PHACTR1: variants seen among roughly 807,000 people sequenced by gnomAD.
PHACTR1 encodes the protein phosphatase and actin regulator 1.
A neutral mutation model predicts 69.2 loss-of-function variants in PHACTR1; 16 were observed. The observed-to-expected ratio is 0.23, with a 90% confidence interval of 0.16 to 0.35. The LOEUF (loss-of-function observed/expected upper bound fraction) is 0.35, where lower values mean the gene tolerates loss of function less well. Among genes scored for constraint, PHACTR1 ranks in the 10% least tolerant of loss-of-function variants. The pLI, the probability that PHACTR1 is intolerant of heterozygous loss-of-function variation, is 1.00. For missense variants in PHACTR1, 510 were observed against 734.7 expected (o/e 0.69, Z 3.54); for synonymous variants, 312 against 284.5 (o/e 1.10, Z -0.97).
At chr6:12,993,145 G>A (rs1010836894) in intron 4 of PHACTR1, among the ~76,000 whole-genome samples, 5 of 152,130 alleles carry the variant, frequency 3.3e-5, no homozygotes, top group African/African-American at 7.2e-5. Flanking sequence ...TTTTCAGGCC[G>A]TTTTTTGTTA....
intron 5 of PHACTR1, among the ~76,000 whole-genome samples, chr6:13,054,392 C>G (rs1419753987): frequency 6.6e-6 from 1 of 152,142 alleles, no homozygotes; most frequent in African/African-American, 2.4e-5. Context: ...TATACAGATT[C>G]CCTTTGGTTT....
chr6:12,961,045 C>T (rs1018281225), intron 4 of PHACTR1, among the ~76,000 whole-genome samples: 1 of 152,134 alleles, frequency 6.6e-6, no homozygotes, highest in African/African-American at 2.4e-5. Flanking sequence ...CAGCTTCCTA[C>T]AAAGTTCAGG....
chr6:13,166,795 T>A (rs938644482), intron 6 of PHACTR1, among the ~76,000 whole-genome samples: 2 of 152,160 alleles, frequency 1.3e-5, no homozygotes, highest in African/African-American at 4.8e-5. Context: ...CCATACCAAA[T>A]TTCGCACATC....
At chr6:12,793,264 A>G (rs1380843252) in intron 4 of PHACTR1, among the ~76,000 whole-genome samples, 1 of 152,126 alleles carries the variant, frequency 6.6e-6, no homozygotes, top group Non-Finnish European at 1.5e-5. Context: ...GCGATTCTTG[A>G]GTTTTATTGG....
intron 3 of PHACTR1, among the ~76,000 whole-genome samples, chr6:12,725,760 G>T (rs1269629774): frequency 2.6e-5 from 4 of 152,090 alleles, no homozygotes; most frequent in Admixed American, 6.5e-5. Flanking sequence ...TCCTTAAATA[G>T]CATCTTCTTG....
chr6:12,904,534 CAAA>C (rs544410317), intron 4 of PHACTR1, among the ~76,000 whole-genome samples: 2 of 80,002 alleles, frequency 2.5e-5, no homozygotes, highest in Non-Finnish European at 5.2e-5. Flanking sequence ...AACTCCATCT[CAAA>C]AAAAAAAAAA....
At chr6:12,792,464 C>CAAAAAAAAAAAAAAAAAAAAA (rs60942588) in intron 4 of PHACTR1, among the ~76,000 whole-genome samples, 2 of 31,362 alleles carry the variant, frequency 6.4e-5, no homozygotes, top group African/African-American at 7.6e-5. Flanking sequence ...AACTCCATGT[C>CAAAAAAAAAAAAAAAAAAAAA]AAAAAAAAAA....
At chr6:13,084,413 C>T (rs4273675) in intron 5 of PHACTR1, among the ~76,000 whole-genome samples, 1 of 148,682 alleles carries the variant, frequency 6.7e-6, no homozygotes, top group South Asian at 2.2e-4. Flanking sequence ...TAGGAGATAT[C>T]CCTAATGCTA....
intron 8 of PHACTR1, among the ~76,000 whole-genome samples, chr6:13,224,812 C>T (rs1769318905): frequency 6.6e-6 from 1 of 152,152 alleles, no homozygotes; most frequent in South Asian, 2.1e-4. Flanking sequence ...GGGTGAGGCT[C>T]TTAGATCCGA....
chr6:12,814,093 TG>T (rs1320792988), intron 4 of PHACTR1, among the ~76,000 whole-genome samples: 2 of 152,212 alleles, frequency 1.3e-5, no homozygotes, highest in African/African-American at 2.4e-5. Flanking sequence ...TTTTAGCTCC[TG>T]GGTGTCAGGT....
rs193250119 is a variant in PHACTR1, at chr6:12,887,348, C to T, written c.250+137558C>T. ...GCTTAACCTTATAACAGGCTTAATA[C>T]GTTGCAGCTTTCTGCTGAGTCCTTA... On this transcript the variant is annotated intron_variant, in intron 4 of 14. Coordinates refer to ENST00000332995, the MANE Select transcript of PHACTR1 (RefSeq NM_030948.6). 1.9e-3 allele frequency among the ~76,000 whole-genome samples: 291 copies of T among 152,334 alleles called. 1 individual carries two copies. Among genetic ancestry groups the T allele is most frequent in the Middle Eastern group, 0.017 (5 of 294 alleles).
At chr6:13,189,709 A>G (rs9367369) in intron 7 of PHACTR1, among the ~76,000 whole-genome samples, 34,797 of 151,998 alleles carry the variant, frequency 0.23, 5,171 homozygotes, top group East Asian at 0.55. Flanking sequence ...CTATTCCCAA[A>G]TCTTTAAAAA....
chr6:13,244,394 G>A (rs1039962224), intron 10 of PHACTR1, among the ~76,000 whole-genome samples: 1 of 152,216 alleles, frequency 6.6e-6, no homozygotes, highest in Non-Finnish European at 1.5e-5. Context: ...TCAGGAGACA[G>A]GGTTTTGAGA....
At position 12,933,798 on chromosome 6, in the gene PHACTR1, G is replaced by A. The variant is rs773118893; in HGVS notation, c.251-119567G>A. The A allele has an allele frequency of 2.5e-6, 4 of 1,612,696 alleles. No individual in the cohort carries two copies. In the African/African-American group the frequency reaches 5.3e-5, roughly 22 times the overall value. On this transcript the variant is annotated intron_variant, in intron 4 of 14. Transcript: ENST00000332995. ...CACATCTGCTCAGGCCCCAGTACAG[G>A]TGGACAATTCTCTACTCAGGGTATG... is the stretch of plus-strand genomic sequence containing the variant.
chr6:12,768,809 T>TACACACACACACACACAC, intron 4 of PHACTR1, among the ~76,000 whole-genome samples: 1 of 123,366 alleles, frequency 8.1e-6, no homozygotes, highest in East Asian at 2.5e-4. Flanking sequence ...ATGTGCTATC[T>TACACACACACACACACAC]ACACACACAC....
At chr6:13,021,442 T>A (rs1054841248) in intron 4 of PHACTR1, among the ~76,000 whole-genome samples, 2 of 152,234 alleles carry the variant, frequency 1.3e-5, no homozygotes, top group Non-Finnish European at 2.9e-5. Context: ...ACATTTGGGT[T>A]GTTTCCACTC....
intron 5 of PHACTR1, among the ~76,000 whole-genome samples, chr6:13,150,004 T>G (rs1383276747): frequency 1.3e-5 from 2 of 152,154 alleles, no homozygotes; most frequent in Admixed American, 1.3e-4. Context: ...TAAACTGACC[T>G]GCCTCTCTCT....
Position 12,876,812 on chromosome 6 carries a change from G to A in PHACTR1, c.250+127022G>A, listed in dbSNP as rs549103554. On this transcript the variant is annotated intron_variant, in intron 4 of 14. Coordinates refer to ENST00000332995, the MANE Select transcript of PHACTR1 (RefSeq NM_030948.6). Reference sequence around the variant, plus strand: ...GCTCATAGGATATGGAGGCTGAGAAGTCCCATAATTTGCATCTGTAAGCTG... The same window carrying A: ...GCTCATAGGATATGGAGGCTGAGAAATCCCATAATTTGCATCTGTAAGCTG... Among the ~76,000 whole-genome samples, 3 of 152,312 alleles carry A rather than the reference G, an allele frequency of 2.0e-5. No individual in the cohort carries two copies. The East Asian group carries it at 5.8e-4, about 29-fold the overall frequency.
intron 4 of PHACTR1, among the ~76,000 whole-genome samples, chr6:12,805,309 G>T (rs1774176605): frequency 6.6e-6 from 1 of 152,094 alleles, no homozygotes. Flanking sequence ...AAATAATCTG[G>T]TTTACTTGAG....
Sources: gnomAD v4.1 joint callset for allele counts (sites outside exome capture counted in the v4.1 genomes callset) on GRCh38, gnomAD v4.1.1 for gene constraint, MANE v1.5 for transcripts, NCBI Gene and HGNC (gene_info 2026-07-23, HGNC 2026-07-21) for gene names.